GARIN5B: variants seen among roughly 807,000 people sequenced by gnomAD.
GARIN5B encodes golgi associated RAB2 interactor family member 5B.
chr19:55,362,571 G>C, the GARIN5B span: 2 of 1,536,494 alleles, frequency 1.3e-6, no homozygotes, highest in Non-Finnish European at 1.8e-6. Context: ...GTTGGGGGAT[G>C]CGGCACCTGG....
chr19:55,360,843 T>C, the GARIN5B span: 2 of 1,549,002 alleles, frequency 1.3e-6, no homozygotes, highest in Admixed American at 2.0e-5. Context: ...GTGGGGTGGG[T>C]TGATCTTACC....
At chr19:55,356,845 G>T in the GARIN5B span, among the ~76,000 whole-genome samples, 1 of 151,938 alleles carries the variant, frequency 6.6e-6, no homozygotes, top group African/African-American at 2.4e-5. Context: ...GAGGTCAGGA[G>T]TTCGAGACCA....
chr19:55,358,888 G>A, the GARIN5B span: 15 of 1,550,116 alleles, frequency 9.7e-6, no homozygotes, highest in South Asian at 4.8e-5. Context: ...TGGATCTCAC[G>A]CCAGGCAGGT....
the GARIN5B span, chr19:55,358,747 G>A: frequency 1.3e-6 from 2 of 1,549,328 alleles, no homozygotes; most frequent in Non-Finnish European, 1.7e-6. Flanking sequence ...GCTGCTCTTT[G>A]GAGTTGGCCG....
the GARIN5B span, chr19:55,361,300 A>C: frequency 6.5e-7 from 1 of 1,542,598 alleles, no homozygotes; most frequent in South Asian, 1.2e-5. Flanking sequence ...GACCTACCCC[A>C]GGAGCTTGTG....
At chr19:55,355,323 C>G in the GARIN5B span, 1 of 1,550,230 alleles carries the variant, frequency 6.5e-7, no homozygotes, top group Non-Finnish European at 8.7e-7. Context: ...TCCGGCCACT[C>G]GGAGTGCTGG....
chr19:55,359,053 C>T, the GARIN5B span: 1 of 1,551,378 alleles, frequency 6.4e-7, no homozygotes, highest in South Asian at 1.2e-5. Context: ...GGGACTTGGC[C>T]TGAGTCGTCA....
the GARIN5B span, chr19:55,362,539 G>A: frequency 6.5e-7 from 1 of 1,531,082 alleles, no homozygotes; most frequent in African/African-American, 1.4e-5. Context: ...AGAGCAGGAG[G>A]GGTGGAGGGG....
At chr19:55,355,793 CT>C in the GARIN5B span, among the ~76,000 whole-genome samples, 2 of 152,132 alleles carry the variant, frequency 1.3e-5, no homozygotes, top group East Asian at 1.9e-4. Context: ...TGAGACTAGC[CT>C]GGACAACATG....
At chr19:55,357,548 G>C in the GARIN5B span, among the ~76,000 whole-genome samples, 1 of 152,188 alleles carries the variant, frequency 6.6e-6, no homozygotes, top group Non-Finnish European at 1.5e-5. Flanking sequence ...TCCAGGTCTT[G>C]ACACAAACAA....
chr19:55,358,726 G>A, the GARIN5B span: 12 of 1,549,710 alleles, frequency 7.7e-6, no homozygotes, highest in African/African-American at 1.2e-4. Flanking sequence ...AGACCAAAGC[G>A]GATTTCGAGG....
the GARIN5B span, chr19:55,363,083 G>A: frequency 6.7e-7 from 1 of 1,490,606 alleles, no homozygotes; most frequent in Middle Eastern, 1.7e-4. The surrounding 1 kb of genome is among the most constrained non-coding windows in gnomAD (Gnocchi z 4.0). Flanking sequence ...TGTGGTGGAT[G>A]GGTACTGGTT....
the GARIN5B span, among the ~76,000 whole-genome samples, chr19:55,356,192 C>T: frequency 2.7e-5 from 4 of 150,560 alleles, no homozygotes; most frequent in East Asian, 2.0e-4. Flanking sequence ...GCCAACATGG[C>T]GAAACCCCAT....
the GARIN5B span, chr19:55,358,100 A>G: frequency 1.1e-5 from 16 of 1,410,676 alleles, no homozygotes; most frequent in Non-Finnish European, 1.5e-5. Flanking sequence ...TCTGTCTCAT[A>G]AACAGCAGAG....
the GARIN5B span, chr19:55,359,899 G>T: frequency 6.4e-7 from 1 of 1,551,464 alleles, no homozygotes. Flanking sequence ...AGCCATCAGG[G>T]CTGTCAGCTG....
chr19:55,357,245 T>C, the GARIN5B span, among the ~76,000 whole-genome samples: 1 of 152,096 alleles, frequency 6.6e-6, no homozygotes, highest in East Asian at 1.9e-4. Flanking sequence ...CTTGCCCCCC[T>C]ACATCCTCCA....
the GARIN5B span, chr19:55,362,259 T>C: frequency 6.5e-7 from 1 of 1,535,032 alleles, no homozygotes; most frequent in Non-Finnish European, 8.8e-7. Context: ...AGGTGCCAGG[T>C]GGAGGCAGGC....
chr19:55,362,210 C>T, the GARIN5B span: 1 of 1,477,102 alleles, frequency 6.8e-7, no homozygotes, highest in Non-Finnish European at 9.0e-7. Context: ...TTCCTGGGGC[C>T]TGCCATGCCC....
the GARIN5B span, chr19:55,359,784 G>A: frequency 6.4e-7 from 1 of 1,551,420 alleles, no homozygotes; most frequent in Non-Finnish European, 8.7e-7. Context: ...TAGGGAGCCA[G>A]ACCGGAGGCA....
Sources: gnomAD v4.1 joint callset for allele counts (sites outside exome capture counted in the v4.1 genomes callset) on GRCh38, gnomAD v4.1.1 for gene constraint, Gnocchi (gnomAD v3.1) non-coding constraint, MANE v1.5 for transcripts, NCBI Gene and HGNC (gene_info 2026-07-23, HGNC 2026-07-21) for gene names.